The following CDC42SE2 variants were observed in gnomAD, a reference collection of about 807,000 sequenced individuals.
CDC42SE2 encodes CDC42 small effector 2.
CDC42SE2 carries 3 observed loss-of-function variants against 11.5 expected under a neutral mutation model. That is an observed-to-expected ratio of 0.26 (90% CI 0.12 to 0.67). The LOEUF (loss-of-function observed/expected upper bound fraction) is 0.67. Ranked by LOEUF, CDC42SE2 falls within the 30% of genes least tolerant of loss-of-function variation. CDC42SE2 has a pLI of 0.80. For missense variants in CDC42SE2, 82 were observed against 106.8 expected (o/e 0.77, Z 1.02); for synonymous variants, 33 against 34.8 (o/e 0.95, Z 0.18).
intron 1 of CDC42SE2, among the ~76,000 whole-genome samples, chr5:131,282,096 GGAGAGT>G (rs1757247947): frequency 6.6e-6 from 1 of 152,142 alleles, no homozygotes; most frequent in Non-Finnish European, 1.5e-5. Flanking sequence ...TGTCTAAGGA[GGAGAGT>G]AGTTTTTCGG....
At chr5:131,380,462 A>G (rs2149785935) in intron 3 of CDC42SE2, among the ~76,000 whole-genome samples, 1 of 152,284 alleles carries the variant, frequency 6.6e-6, no homozygotes, top group South Asian at 2.1e-4. Flanking sequence ...TGACTATTAT[A>G]CAGTACCCCA....
chr5:131,303,406 T>G (rs1003459735), intron 1 of CDC42SE2, among the ~76,000 whole-genome samples: 3 of 152,362 alleles, frequency 2.0e-5, no homozygotes, highest in Middle Eastern at 3.4e-3. Flanking sequence ...CCTGATAATT[T>G]AAGCTACTGT....
intron 1 of CDC42SE2, among the ~76,000 whole-genome samples, chr5:131,270,631 G>A (rs1201493650): frequency 2.0e-5 from 3 of 152,280 alleles, no homozygotes; most frequent in South Asian, 4.1e-4. Flanking sequence ...TGTAGACTAA[G>A]TCTTTCTCTG....
chr5:131,243,844 G>A (rs1486453958), upstream of CDC42SE2, among the ~76,000 whole-genome samples: 1 of 152,192 alleles, frequency 6.6e-6, no homozygotes, highest in African/African-American at 2.4e-5. Context: ...AATTCCTGCT[G>A]CCCAGGCTCA....
chr5:131,347,293 G>T (rs936876967), intron 2 of CDC42SE2, among the ~76,000 whole-genome samples: 2 of 151,972 alleles, frequency 1.3e-5, no homozygotes, highest in Non-Finnish European at 2.9e-5. Context: ...TCAAATAGAT[G>T]CAATAAAAAA....
At chr5:131,279,313 G>A (rs1002652709) in intron 1 of CDC42SE2, among the ~76,000 whole-genome samples, 9 of 152,042 alleles carry the variant, frequency 5.9e-5, no homozygotes, top group Non-Finnish European at 1.3e-4. Flanking sequence ...TCCAAAGCAG[G>A]CACAAAAGAT....
intron 1 of CDC42SE2, among the ~76,000 whole-genome samples, chr5:131,307,204 T>C (rs1260924157): frequency 6.8e-6 from 1 of 146,726 alleles, no homozygotes; most frequent in East Asian, 2.0e-4. Flanking sequence ...CTTCCAGTGC[T>C]ATCCCTCCCC....
At chr5:131,355,303 C>G (rs1261318668) in intron 2 of CDC42SE2, among the ~76,000 whole-genome samples, 1 of 151,738 alleles carries the variant, frequency 6.6e-6, no homozygotes, top group Admixed American at 6.6e-5. Context: ...ATAGTGAGAC[C>G]CTGTCTCTAT....
chr5:131,385,566 A>G lies in CDC42SE2; in HGVS notation c.78A>G (p.Arg26=), dbSNP rs1176773361. Residue 26 remains arginine (R), a synonymous_variant, in exon 4 of 5, where the codon AGA becomes AGG. Transcript: ENST00000505065. ...AGAAAAGGCGACGGCGGATTGACAG[A>G]AGTATGATTGGAGAGCCCACAAACT... ...PQPKRRRRID[R]SMIGEPTNFV... is the part of the protein sequence containing the mutation. The G allele has an allele frequency of 1.2e-6, 2 of 1,613,742 alleles. No individual in the cohort carries two copies. The highest frequency in any genetic ancestry group is 1.7e-6 in the Non-Finnish European group (2 of 1,179,740).
At chr5:131,302,936 T>C (rs1757714007) in intron 1 of CDC42SE2, among the ~76,000 whole-genome samples, 1 of 152,162 alleles carries the variant, frequency 6.6e-6, no homozygotes, top group African/African-American at 2.4e-5. Context: ...TACCCACTTC[T>C]GTAACTCAAC....
At chr5:131,299,995 T>A (rs1224992442) in intron 1 of CDC42SE2, among the ~76,000 whole-genome samples, 1 of 152,180 alleles carries the variant, frequency 6.6e-6, no homozygotes, top group Non-Finnish European at 1.5e-5. Flanking sequence ...ACCCAGCCTG[T>A]CACAGTATCT....
chr5:131,254,253 A>C (rs1163632790), intron 1 of CDC42SE2, among the ~76,000 whole-genome samples: 3 of 152,140 alleles, frequency 2.0e-5, no homozygotes, highest in Non-Finnish European at 4.4e-5. Flanking sequence ...TAGAAATAAT[A>C]AGTCTTGGTT....
intron 2 of CDC42SE2, among the ~76,000 whole-genome samples, chr5:131,316,480 C>A (rs539897032): frequency 6.6e-6 from 1 of 152,166 alleles, no homozygotes; most frequent in Non-Finnish European, 1.5e-5. Context: ...CCATTTTAAT[C>A]TTAGTTGTGG....
At chr5:131,277,622 T>C (rs2149698717) in intron 1 of CDC42SE2, among the ~76,000 whole-genome samples, 1 of 152,344 alleles carries the variant, frequency 6.6e-6, no homozygotes, top group East Asian at 1.9e-4. Flanking sequence ...AGTTAGTCTG[T>C]TCAGTTTCTC....
At chr5:131,343,801 A>C (rs1253068493) in intron 2 of CDC42SE2, among the ~76,000 whole-genome samples, 1 of 152,132 alleles carries the variant, frequency 6.6e-6, no homozygotes, top group African/African-American at 2.4e-5. Flanking sequence ...AGATTATTAA[A>C]GAGAGGGAAA....
upstream of CDC42SE2, among the ~76,000 whole-genome samples, chr5:131,262,207 T>G (rs1223737420): frequency 6.6e-6 from 1 of 151,924 alleles, no homozygotes; most frequent in Non-Finnish European, 1.5e-5. Context: ...GAATTAATAG[T>G]CTTTATGTAA....
chr5:131,230,851 A>C, the CDC42SE2 span, among the ~76,000 whole-genome samples: 1 of 152,218 alleles, frequency 6.6e-6, no homozygotes, highest in African/African-American at 2.4e-5. Context: ...TTGCTTTTTA[A>C]ATCTCTTAAC....
rs376985674 is a variant in CDC42SE2, at chr5:131,359,443, G to A, written c.-51G>A. 30 of 1,402,594 alleles carry A rather than the reference G, an allele frequency of 2.1e-5. No individual in the cohort carries two copies. The highest frequency in any genetic ancestry group is 2.1e-4 in the African/African-American group (15 of 71,056). The allele number at this position is 1,402,594 out of a possible 1,614,324, so 86.9% of individuals were successfully genotyped here. On this transcript the variant is annotated 5_prime_UTR_variant, in exon 3 of 5. Transcript: ENST00000505065. Reference sequence around the variant, plus strand: ...GAGGAGCGTATTTTTGGAACTTCCCGAGTTGAGATTTGGAACCTTCATTGG... The same window carrying A: ...GAGGAGCGTATTTTTGGAACTTCCCAAGTTGAGATTTGGAACCTTCATTGG...
At chr5:131,257,562 C>T (rs1196159612) in intron 2 of CDC42SE2, among the ~76,000 whole-genome samples, 3 of 151,416 alleles carry the variant, frequency 2.0e-5, no homozygotes, top group African/African-American at 2.4e-5. Context: ...ACTGCAACCT[C>T]TGCCTCCCAG....
Sources: gnomAD v4.1 joint callset for allele counts (sites outside exome capture counted in the v4.1 genomes callset) on GRCh38, gnomAD v4.1.1 for gene constraint, MANE v1.5 for transcripts, NCBI Gene and HGNC (gene_info 2026-07-23, HGNC 2026-07-21) for gene names.